Variants in SNCAIP observed in about 807,000 individuals in gnomAD.
SNCAIP encodes synphilin-1.
SNCAIP carries 43 observed loss-of-function variants against 86.7 expected under a neutral mutation model. That is an observed-to-expected ratio of 0.50 (90% CI 0.39 to 0.64). The LOEUF (loss-of-function observed/expected upper bound fraction) is 0.64, where lower values mean the gene tolerates loss of function less well. SNCAIP is among the 30% of genes least tolerant of loss of function. The pLI, the probability that SNCAIP is intolerant of heterozygous loss-of-function variation, is 0.00. For missense variants in SNCAIP, 981 were observed against 1,103.1 expected, an observed-to-expected ratio of 0.89 and a Z score of 1.57; for synonymous variants, 417 against 427.2, an observed-to-expected ratio of 0.98 and a Z score of 0.29.
intron 1 of SNCAIP, chr5:122,321,196 T>C (rs1486401657): frequency 6.6e-6 from 1 of 152,244 alleles, no homozygotes; most frequent in East Asian, 1.9e-4. Context: ...TAATATATCT[T>C]ACCCAATATA....
intron 3 of SNCAIP, among the ~76,000 whole-genome samples, chr5:122,417,070 A>G (rs766331499): frequency 2.0e-5 from 3 of 152,204 alleles, no homozygotes; most frequent in African/African-American, 7.2e-5. Context: ...TAATTTTCTA[A>G]TACGGACACA....
chr5:122,377,334 A>G (rs554114351), intron 1 of SNCAIP, among the ~76,000 whole-genome samples: 1 of 152,192 alleles, frequency 6.6e-6, no homozygotes, highest in African/African-American at 2.4e-5. Flanking sequence ...GTGTATGTGT[A>G]TACATTTGTG....
In SNCAIP at chr5:122,403,885, T is replaced by C. The variant is rs1415086322; in HGVS notation, c.130+20T>C. The C allele has an allele frequency of 6.3e-7, 1 of 1,588,826 alleles. No homozygotes were observed. On this transcript the variant is annotated intron_variant, in intron 3 of 10. Transcript: ENST00000261368. Reference sequence around the variant, plus strand: ...GATCAGGTAGGTTTTGCTCCTCCCCTCTTCTCCTTATCCTGGCTCAGTGTT... The same window carrying C: ...GATCAGGTAGGTTTTGCTCCTCCCCCCTTCTCCTTATCCTGGCTCAGTGTT...
rs1755749066 is a variant in SNCAIP at position 122,333,256 on chromosome 5, A to G, written c.-47+20972A>G. 4.6e-5 allele frequency among the ~76,000 whole-genome samples: 7 copies of G among 152,250 alleles called. No homozygotes were observed. The South Asian group carries it at 8.3e-4, about 18-fold the overall frequency. ...GAGCAAAGATAAAACTCATTTTTAG[A>G]TAAATGACTAAATTGAAATACCATA... On this transcript the variant is annotated intron_variant, in intron 1 of 10. Transcript: ENST00000261368.
chr5:122,404,435 C>G (rs530545806), intron 3 of SNCAIP, among the ~76,000 whole-genome samples: 4 of 152,124 alleles, frequency 2.6e-5, no homozygotes, highest in African/African-American at 7.2e-5. Context: ...TCTCTTTACA[C>G]CCCCAACCCC....
intron 1 of SNCAIP, among the ~76,000 whole-genome samples, chr5:122,374,659 A>G (rs1764925731): frequency 1.3e-5 from 2 of 152,272 alleles, no homozygotes; most frequent in African/African-American, 2.4e-5. Flanking sequence ...AAGCTATTAT[A>G]TGTTAAAAAA....
intron 8 of SNCAIP, among the ~76,000 whole-genome samples, chr5:122,447,295 T>C (rs1229851623): frequency 1.3e-5 from 2 of 152,202 alleles, no homozygotes; most frequent in African/African-American, 4.8e-5. Flanking sequence ...AATAAACTTC[T>C]ATTGTCTAAG....
At chr5:122,330,953 A>C (rs1263299532) in intron 1 of SNCAIP, among the ~76,000 whole-genome samples, 1 of 151,676 alleles carries the variant, frequency 6.6e-6, no homozygotes, top group Non-Finnish European at 1.5e-5. Flanking sequence ...ACAGTGAGAG[A>C]TCATCAGACA....
intron 1 of SNCAIP, among the ~76,000 whole-genome samples, chr5:122,366,643 A>G (rs887378201): frequency 9.2e-5 from 14 of 152,148 alleles, no homozygotes; most frequent in African/African-American, 3.1e-4. Flanking sequence ...AGGACAAGAA[A>G]CAGCATGAGA....
chr5:122,323,813 A>T (rs1471078943), intron 1 of SNCAIP, among the ~76,000 whole-genome samples: 1 of 152,174 alleles, frequency 6.6e-6, no homozygotes, highest in Non-Finnish European at 1.5e-5. Context: ...GGTTTTCCAA[A>T]ATTATTAAAA....
At chr5:122,462,314 C>A (rs1034509242) in intron 10 of SNCAIP, among the ~76,000 whole-genome samples, 2 of 152,138 alleles carry the variant, frequency 1.3e-5, no homozygotes, top group Non-Finnish European at 2.9e-5. Flanking sequence ...TTCTGAAATA[C>A]CATTGACATT....
chr5:122,435,166 A>G (rs1779159570), intron 6 of SNCAIP, among the ~76,000 whole-genome samples: 1 of 152,126 alleles, frequency 6.6e-6, no homozygotes. Context: ...GGGTGCAATT[A>G]TTTCATTGCC....
In SNCAIP at chr5:122,333,294, C is replaced by T. The variant is rs1580843465; in HGVS notation, c.-47+21010C>T. Among the ~76,000 whole-genome samples the T allele has an allele frequency of 2.6e-5, 4 of 152,172 alleles. No homozygotes were observed. The East Asian group carries it at 7.7e-4, about 29-fold the overall frequency. On this transcript the variant is annotated intron_variant, in intron 1 of 10. Coordinates refer to ENST00000261368, the MANE Select transcript of SNCAIP (RefSeq NM_005460.4). ...TTGAAATACCATAATGCGTACCATT[C>T]AAGTGCTGTTATGGTTAAAAAATGT... is the stretch of plus-strand genomic sequence containing the variant.
Position 122,336,089 on chromosome 5 carries a change from TCTA to T in SNCAIP, c.-47+23807_-47+23809del, listed in dbSNP as rs374457750. ...GTGTTATTACAGAGGGAGGCCTTCT[TCTA>T]CAGACAAAATAAGACCAAAAGAAAT... On this transcript the variant is annotated intron_variant, in intron 1 of 10. Coordinates refer to ENST00000261368, the MANE Select transcript of SNCAIP (RefSeq NM_005460.4). Among the ~76,000 whole-genome samples the T allele has an allele frequency of 1.7e-3, 265 of 152,132 alleles. 2 individuals carry two copies. Among genetic ancestry groups the T allele is most frequent in the African/African-American group, 6.1e-3 (252 of 41,542 alleles).
At chr5:122,417,143 T>C (rs1314525890) in intron 3 of SNCAIP, among the ~76,000 whole-genome samples, 1 of 152,236 alleles carries the variant, frequency 6.6e-6, no homozygotes, top group Non-Finnish European at 1.5e-5. Context: ...CGTTTGGTCC[T>C]GAAAATTGAA....
chr5:122,463,656 CATGAAAACA>C lies in SNCAIP; in HGVS notation c.*164_*172del, dbSNP rs896668990. On this transcript the variant is annotated 3_prime_UTR_variant, in exon 11 of 11. Transcript: ENST00000261368. The stretch of plus-strand genomic sequence containing the variant: ...GGACTATCCTCTTTGGAAAGAGAAC[CATGAAAACA>C]ATGCCTCACCAGCAGAAGAACAGAA... The C allele has an allele frequency of 1.4e-6, 1 of 702,722 alleles. No homozygotes were observed. The highest frequency in any genetic ancestry group is 1.8e-5 in the African/African-American group (1 of 55,770). 43.5% of individuals were successfully genotyped at this position (702,722 alleles called of 1,614,324 possible). A position where few individuals can be genotyped will look rare whatever the true frequency, so the allele number is the denominator to read the frequency against.
chr5:122,435,959 C>T (rs1779360334), intron 6 of SNCAIP, among the ~76,000 whole-genome samples: 1 of 152,152 alleles, frequency 6.6e-6, no homozygotes, highest in Non-Finnish European at 1.5e-5. Context: ...GCATAACTGA[C>T]ACAGAGCCCT....
At chr5:122,313,028 TAC>T (rs1750941448) in intron 1 of SNCAIP, 1 of 152,252 alleles carries the variant, frequency 6.6e-6, no homozygotes, top group African/African-American at 2.4e-5. Flanking sequence ...CTGGCAGCCA[TAC>T]AGTTTCCACA....
At chr5:122,337,305 G>A (rs559352052) in intron 1 of SNCAIP, among the ~76,000 whole-genome samples, 257 of 152,246 alleles carry the variant, frequency 1.7e-3, no homozygotes, top group African/African-American at 5.7e-3. Flanking sequence ...AAAAATGTAA[G>A]CATATACACT....
Sources: gnomAD v4.1 joint callset for allele counts (sites outside exome capture counted in the v4.1 genomes callset) on GRCh38, gnomAD v4.1.1 for gene constraint, MANE v1.5 for transcripts, NCBI Gene and HGNC (gene_info 2026-07-23, HGNC 2026-07-21) for gene names.